Variants in CDC14B observed in about 807,000 individuals in gnomAD.
CDC14B encodes the protein cell division cycle 14B.
A neutral mutation model predicts 64.2 loss-of-function variants in CDC14B; 22 were observed. The observed-to-expected ratio is 0.34, with a 90% CI of 0.24 to 0.49. The LOEUF (loss-of-function observed/expected upper bound fraction) is 0.49, where lower values mean the gene tolerates loss of function less well. Among genes scored for constraint, CDC14B ranks in the 20% least tolerant of loss-of-function variants. The pLI is 0.99. For synonymous variants in CDC14B, 191 were observed against 215.8 expected (o/e 0.89, Z 1.01); for missense variants, 498 against 629.9 (o/e 0.79, Z 2.24).
At chr9:96,563,655 G>GAAA (rs35893039) in intron 3 of CDC14B, among the ~76,000 whole-genome samples, 1 of 81,614 alleles carries the variant, frequency 1.2e-5, no homozygotes, top group Non-Finnish European at 2.4e-5. Flanking sequence ...TGTCTCACGG[G>GAAA]AAAAAAAAAA....
downstream of CDC14B, chr9:96,496,229 C>G (rs529573345): frequency 4.2e-6 from 2 of 470,884 alleles, no homozygotes; most frequent in East Asian, 1.3e-4. Context: ...TTCAATTGCA[C>G]CTGGAGAGAA....
intron 1 of CDC14B, among the ~76,000 whole-genome samples, chr9:96,607,486 T>C (rs911845190): frequency 2.1e-5 from 3 of 142,854 alleles, no homozygotes; most frequent in Admixed American, 7.1e-5. Flanking sequence ...AGTGGTGCCA[T>C]CTCGGCTCAC....
chr9:96,542,598 C>G (rs1840219107), intron 5 of CDC14B, among the ~76,000 whole-genome samples: 1 of 152,044 alleles, frequency 6.6e-6, no homozygotes, highest in Admixed American at 6.6e-5. Context: ...AAGTGATCCT[C>G]CCACCTCAGT....
At chr9:96,615,776 T>C (rs192613355) in intron 1 of CDC14B, among the ~76,000 whole-genome samples, 84 of 152,312 alleles carry the variant, frequency 5.5e-4, no homozygotes, top group African/African-American at 1.9e-3. Flanking sequence ...TGCAACAACC[T>C]GTATATGAAT....
chr9:96,566,671 G>A (rs1844007741), intron 1 of CDC14B: 1 of 1,207,956 alleles, frequency 8.3e-7, no homozygotes, highest in Non-Finnish European at 1.2e-6. Flanking sequence ...AGGGCGGCCG[G>A]GGCCCAGACT....
At chr9:96,538,909 G>T in intron 7 of CDC14B, 169 bp downstream of exon 7, 1 of 575,620 alleles carries the variant, frequency 1.7e-6, no homozygotes, top group Non-Finnish European at 3.1e-6. Flanking sequence ...TATGTGAGGT[G>T]ATGAATATGT....
chr9:96,542,050 A>T (rs1840135639), intron 5 of CDC14B, among the ~76,000 whole-genome samples, 158 bp from the exon 6 acceptor site: 1 of 152,224 alleles, frequency 6.6e-6, no homozygotes, highest in Admixed American at 6.5e-5. Context: ...AAGATAAATC[A>T]ATTACAAATT....
At chr9:96,606,543 G>A (rs886739036) in intron 1 of CDC14B, among the ~76,000 whole-genome samples, 9 of 140,976 alleles carry the variant, frequency 6.4e-5, no homozygotes, top group Non-Finnish European at 9.2e-5. Context: ...GTGTGTGTGT[G>A]TGTGTGTGTG....
At chr9:96,607,672 C>T (rs1847059756) in intron 1 of CDC14B, among the ~76,000 whole-genome samples, 1 of 152,170 alleles carries the variant, frequency 6.6e-6, no homozygotes, top group African/African-American at 2.4e-5. Flanking sequence ...ATCCACCCGC[C>T]TTGGCCTCCC....
At chr9:96,555,962 C>A (rs1842453157) in intron 4 of CDC14B, among the ~76,000 whole-genome samples, 1 of 152,118 alleles carries the variant, frequency 6.6e-6, no homozygotes, top group South Asian at 2.1e-4. Context: ...GATGGAAGAA[C>A]AAGCAACAGA....
chr9:96,593,470 G>C (rs1845895485), intron 1 of CDC14B, among the ~76,000 whole-genome samples: 1 of 142,982 alleles, frequency 7.0e-6, no homozygotes, highest in African/African-American at 2.6e-5. Context: ...ACGGGCGACA[G>C]AGCAAGACTT....
At chr9:96,563,659 A>G (rs1169745639) in intron 3 of CDC14B, among the ~76,000 whole-genome samples, 1 of 151,252 alleles carries the variant, frequency 6.6e-6, no homozygotes, top group Non-Finnish European at 1.5e-5. Context: ...TCACGGGAAA[A>G]AAAAAAAAAA....
intron 1 of CDC14B, among the ~76,000 whole-genome samples, chr9:96,580,526 C>T (rs574203629): frequency 1.2e-4 from 18 of 152,040 alleles, no homozygotes; most frequent in Non-Finnish European, 2.5e-4. Context: ...CCACTGCGCC[C>T]GGCTAGATTG....
intron 12 of CDC14B, chr9:96,514,523 G>C: frequency 1.0e-6 from 1 of 985,408 alleles, no homozygotes; most frequent in African/African-American, 1.7e-5. Context: ...ATTCTGAAGA[G>C]TGAAATCAGC....
chr9:96,551,841 G>A lies in CDC14B; in HGVS notation c.452C>T (p.Ala151Val). The A allele has an allele frequency of 1.2e-6, 2 of 1,609,120 alleles. No individual in the cohort carries two copies. Among genetic ancestry groups the A allele is most frequent in the Non-Finnish European group, 1.7e-6 (2 of 1,177,670 alleles). Residue 151 changes from alanine (A) to valine (V), a missense_variant, in exon 5 of 14, where the codon GCA (alanine) becomes GTA (valine). Transcript: ENST00000375241. ...CTCTCCAAAGATTAATATTCTATAT[G>A]CTTCTTCTGGGGTTCTCCCCAAATA... ...VIYLGRTPEE[A>V]YRILIFGETS...
intron 5 of CDC14B, among the ~76,000 whole-genome samples, chr9:96,545,733 C>G (rs1233318294): frequency 1.3e-5 from 2 of 150,382 alleles, no homozygotes; most frequent in African/African-American, 2.5e-5. Context: ...TTTTGAGAAC[C>G]TACTGTGGGG....
chr9:96,558,625 C>T (rs1842784373), intron 4 of CDC14B, among the ~76,000 whole-genome samples: 1 of 152,048 alleles, frequency 6.6e-6, no homozygotes. Flanking sequence ...ATTAACAAAA[C>T]AAAATTTCCA....
intron 12 of CDC14B, among the ~76,000 whole-genome samples, chr9:96,513,287 A>C (rs986626395): frequency 6.6e-6 from 1 of 152,198 alleles, no homozygotes; most frequent in Non-Finnish European, 1.5e-5. Flanking sequence ...ACTGCAGGTT[A>C]TGCACTGATG....
chr9:96,511,065 A>G lies in CDC14B; in HGVS notation c.1344-1276T>C, dbSNP rs920574473. Among the ~76,000 whole-genome samples, 3 of 152,318 alleles carry G rather than the reference A, an allele frequency of 2.0e-5. No individual in the cohort carries two copies. The East Asian group carries it at 5.8e-4, about 29-fold the overall frequency. ...ACATAAAGGTGAGAAAGCCAATAAC[A>G]ACTTATGAGAACCCAGCTCAAAGGA... On this transcript the variant is annotated intron_variant, in intron 12 of 13. Transcript: ENST00000375241.
Sources: gnomAD v4.1 joint callset for allele counts (sites outside exome capture counted in the v4.1 genomes callset) on GRCh38, gnomAD v4.1.1 for gene constraint, MANE v1.5 for transcripts, NCBI Gene and HGNC (gene_info 2026-07-23, HGNC 2026-07-21) for gene names.